Variants in FGD4 observed in about 807,000 individuals in gnomAD.
The protein encoded by FGD4 is FYVE, RhoGEF and PH domain-containing protein 4.
A neutral mutation model predicts 102.0 loss-of-function variants in FGD4; 42 were observed. The observed-to-expected ratio is 0.41, with a 90% CI of 0.32 to 0.53. The LOEUF (loss-of-function observed/expected upper bound fraction) is 0.53, where lower values mean the gene tolerates loss of function less well. Ranked by LOEUF, FGD4 falls within the 20% of genes least tolerant of loss-of-function variation. The pLI, the probability that FGD4 is intolerant of heterozygous loss-of-function variation, is 0.21. For missense variants in FGD4, 902 were observed against 1,078.2 expected, an observed-to-expected ratio of 0.84 and a Z score of 2.29; for synonymous variants, 380 against 375.7, an observed-to-expected ratio of 1.01 and a Z score of -0.13.
intron 1 of FGD4, among the ~76,000 whole-genome samples, chr12:32,465,054 A>T (rs953369463): frequency 1.3e-5 from 2 of 152,160 alleles, no homozygotes; most frequent in Non-Finnish European, 2.9e-5. Context: ...CATTATGGAA[A>T]TTAGAGGAAC....
chr12:32,499,997 C>G (rs567838150), intron 1 of FGD4, among the ~76,000 whole-genome samples: 1 of 152,140 alleles, frequency 6.6e-6, no homozygotes, highest in African/African-American at 2.4e-5. Context: ...CAAAGTGAGA[C>G]CCTATCTCCA....
intron 1 of FGD4, among the ~76,000 whole-genome samples, chr12:32,413,797 T>G (rs1941296375): frequency 6.6e-6 from 1 of 152,178 alleles, no homozygotes; most frequent in Non-Finnish European, 1.5e-5. Context: ...GAATAAACCT[T>G]AAATATTTTA....
chr12:32,640,047 T>A (rs1268936262), intron 16 of FGD4, among the ~76,000 whole-genome samples: 1 of 152,166 alleles, frequency 6.6e-6, no homozygotes, highest in African/African-American at 2.4e-5. Context: ...GTAGTGTCTC[T>A]GAGTCCTAGC....
intron 1 of FGD4, chr12:32,534,357 G>A (rs1025351701): frequency 1.6e-5 from 24 of 1,456,230 alleles, no homozygotes; most frequent in Middle Eastern, 3.7e-4. Flanking sequence ...CAGATCCTGT[G>A]TAATCTTCAG....
chr12:32,461,975 T>G (rs1349857589), intron 1 of FGD4, among the ~76,000 whole-genome samples: 1 of 152,184 alleles, frequency 6.6e-6, no homozygotes, highest in Non-Finnish European at 1.5e-5. Flanking sequence ...TCCACCCGCC[T>G]CAGCCTCCCA....
At chr12:32,536,000 G>A (rs1416199632) in intron 1 of FGD4, among the ~76,000 whole-genome samples, 1 of 151,794 alleles carries the variant, frequency 6.6e-6, no homozygotes, top group Non-Finnish European at 1.5e-5. Flanking sequence ...AGCACTTCCT[G>A]CCTACACTAC....
At chr12:32,485,563 C>T (rs1943872523) in intron 1 of FGD4, among the ~76,000 whole-genome samples, 1 of 151,322 alleles carries the variant, frequency 6.6e-6, no homozygotes, top group East Asian at 1.9e-4. Flanking sequence ...GCCTCAGCCT[C>T]CCGAGCAGCT....
intron 1 of FGD4, among the ~76,000 whole-genome samples, chr12:32,422,345 C>A (rs1302037744): frequency 1.0e-5 from 1 of 95,880 alleles, no homozygotes; most frequent in Non-Finnish European, 2.0e-5. Context: ...GTCACCCAGG[C>A]TGGAGTGCAG....
In FGD4 at chr12:32,575,760, A is replaced by T. The variant is rs185513394; in HGVS notation, c.320-506A>T. Among the ~76,000 whole-genome samples, 188 of 152,344 alleles carry T rather than the reference A, an allele frequency of 1.2e-3. 1 individual carries two copies. Among genetic ancestry groups the T allele is most frequent in the African/African-American group, 3.7e-3 (155 of 41,586 alleles). On this transcript the variant is annotated intron_variant, in intron 2 of 16. Coordinates refer to ENST00000534526, the MANE Select transcript of FGD4 (RefSeq NM_001370298.3). ...AGTGCTTTTGTTAAATGGGAAGAAGATGCTATATTAATGCAACATTGTATT... is the reference window on the plus strand; with the variant it reads ...AGTGCTTTTGTTAAATGGGAAGAAGTTGCTATATTAATGCAACATTGTATT...
intron 1 of FGD4, among the ~76,000 whole-genome samples, chr12:32,453,210 ATATATATATAATATAGATATATATATAT>A (rs1565748973): frequency 1.7e-4 from 9 of 53,982 alleles, no homozygotes; most frequent in African/African-American, 4.0e-4. Flanking sequence ...TTATATATAT[ATATATATATAATATAGATATATATATAT>A]TTTTTTTTTT....
At chr12:32,597,000 G>A (rs1200681096) in intron 4 of FGD4, among the ~76,000 whole-genome samples, 1 of 150,816 alleles carries the variant, frequency 6.6e-6, no homozygotes, top group East Asian at 1.9e-4. Flanking sequence ...ATTTTTCTCA[G>A]AGCAGAAATC....
intron 1 of FGD4, among the ~76,000 whole-genome samples, chr12:32,421,010 G>A (rs1941606034): frequency 6.6e-6 from 1 of 151,970 alleles, no homozygotes; most frequent in African/African-American, 2.4e-5. Context: ...CTTCTGCCTT[G>A]GCCTCTCAAA....
chr12:32,442,244 G>A (rs1317160696), intron 1 of FGD4, among the ~76,000 whole-genome samples: 2 of 151,664 alleles, frequency 1.3e-5, no homozygotes, highest in African/African-American at 2.4e-5. Context: ...TAGTAGAGAC[G>A]GGGTTTCACC....
chr12:32,617,474 T>G, intron 10 of FGD4, among the ~76,000 whole-genome samples: 1 of 152,368 alleles, frequency 6.6e-6, no homozygotes, highest in Non-Finnish European at 1.5e-5. Context: ...AATATATTTT[T>G]AGAGGCTTGA....
chr12:32,617,801 C>T (rs563316654), intron 10 of FGD4, among the ~76,000 whole-genome samples: 2 of 152,328 alleles, frequency 1.3e-5, no homozygotes, highest in South Asian at 4.1e-4. Flanking sequence ...ATGGAGGGAA[C>T]AGGGCTAGCT....
chr12:32,476,595 A>G (rs1943589904), intron 1 of FGD4, among the ~76,000 whole-genome samples: 1 of 152,216 alleles, frequency 6.6e-6, no homozygotes, highest in African/African-American at 2.4e-5. Flanking sequence ...AGGAAGCAGA[A>G]GTTGCCATGC....
chr12:32,519,373 G>A (rs1027255000), intron 1 of FGD4, among the ~76,000 whole-genome samples: 4 of 152,234 alleles, frequency 2.6e-5, no homozygotes, highest in South Asian at 4.1e-4. Context: ...GTTTGGAAAT[G>A]TTCCATTATT....
intron 1 of FGD4, among the ~76,000 whole-genome samples, chr12:32,523,583 G>A (rs1034670249): frequency 1.3e-5 from 2 of 152,244 alleles, no homozygotes; most frequent in Admixed American, 6.5e-5. Flanking sequence ...CTGTTTGCAG[G>A]TGGATGAAGC....
chr12:32,507,642 C>T (rs528186613), intron 1 of FGD4, among the ~76,000 whole-genome samples: 1 of 152,262 alleles, frequency 6.6e-6, no homozygotes, highest in Non-Finnish European at 1.5e-5. Context: ...AGCATGGGAA[C>T]GCATTTACCA....
Sources: allele counts gnomAD v4.1 joint callset (sites outside exome capture counted in the v4.1 genomes callset), GRCh38; gene constraint gnomAD v4.1.1; transcripts MANE v1.5; gene names NCBI Gene and HGNC (gene_info 2026-07-23, HGNC 2026-07-21).